The following MCM10 variants were observed in gnomAD, a reference collection of about 807,000 sequenced individuals.
The protein encoded by MCM10 is minichromosome maintenance 10 replication initiation factor, also known as protein MCM10 homolog.
MCM10 carries 91 observed loss-of-function variants against 109.9 expected under a neutral mutation model. The ratio of observed to expected loss-of-function variants is 0.83; its 90% CI spans 0.70 to 0.99. MCM10 has a LOEUF of 0.99. Among genes scored for constraint, MCM10 ranks in the 50% least tolerant of loss-of-function variants. The pLI, the probability that MCM10 is intolerant of heterozygous loss-of-function variation, is 0.00. For synonymous variants in MCM10, 380 were observed against 387.2 expected, an observed-to-expected ratio of 0.98 and a Z score of 0.22; for missense variants, 1,077 against 1,061.2, an observed-to-expected ratio of 1.01 and a Z score of -0.21.
chr10:13,183,925 C>A (rs1465978601), intron 8 of MCM10, among the ~76,000 whole-genome samples: 1 of 152,094 alleles, frequency 6.6e-6, no homozygotes, highest in African/African-American at 2.4e-5. Flanking sequence ...ATGGCGTGAT[C>A]TTGACTCACT....
intron 18 of MCM10, among the ~76,000 whole-genome samples, chr10:13,208,116 G>T (rs1008531539): frequency 2.6e-5 from 4 of 152,236 alleles, no homozygotes; most frequent in African/African-American, 9.6e-5. Context: ...GGACTTGGTG[G>T]CTCATGCCTG....
chr10:13,202,116 T>C (rs1299002156), intron 17 of MCM10, among the ~76,000 whole-genome samples: 1 of 152,178 alleles, frequency 6.6e-6, no homozygotes, highest in Non-Finnish European at 1.5e-5. Context: ...CCCAGCACTT[T>C]TGGATGTCAA....
Position 13,204,990 on chromosome 10 carries a change from GTATGTATGTATGTATATA to G in MCM10, c.2498+630_2498+647del, listed in dbSNP as rs1302735722. ...ATTTTTTATTGTGCTTCTCATGTAT[GTATGTATGTATGTATATA>G]TATATATATATATATATATATATAT... On this transcript the variant is annotated intron_variant, in intron 18 of 19. Transcript: ENST00000378714. Among the ~76,000 whole-genome samples, 439 of 118,648 alleles carry G rather than the reference GTATGTATGTATGTATATA, an allele frequency of 3.7e-3. 6 individuals are homozygous for G. The highest frequency in any genetic ancestry group is 0.012 in the Middle Eastern group (3 of 250). 77.8% of individuals were successfully genotyped at this position (118,648 alleles called of 152,430 possible). A position where few individuals can be genotyped will look rare whatever the true frequency, so the allele number is the denominator to read the frequency against.
intron 2 of MCM10, among the ~76,000 whole-genome samples, chr10:13,165,271 T>C (rs1319153490): frequency 6.6e-6 from 1 of 152,230 alleles, no homozygotes; most frequent in Non-Finnish European, 1.5e-5. Context: ...GTGGTCTCTC[T>C]CTAAAGTATC....
At chr10:13,209,038 A>C in intron 18 of MCM10, 53 bp from the exon 19 acceptor site, 6 of 1,344,906 alleles carry the variant, frequency 4.5e-6, no homozygotes, top group Non-Finnish European at 6.4e-6. Context: ...CGTCGTCTTT[A>C]CATGAGTGGG....
At chr10:13,197,916 GATT>G (rs748729806) in intron 15 of MCM10, 149 bp downstream of exon 15, 1 of 605,698 alleles carries the variant, frequency 1.7e-6, no homozygotes, top group Non-Finnish European at 2.3e-6. Context: ...GGGTGGAACT[GATT>G]TTTTTTTTTT....
intron 13 of MCM10, among the ~76,000 whole-genome samples, chr10:13,194,020 A>C (rs1460673741): frequency 1.3e-5 from 2 of 152,068 alleles, no homozygotes; most frequent in Non-Finnish European, 2.9e-5. Flanking sequence ...TCATCGATCA[A>C]ATGAGAAGTT....
chr10:13,191,786 T>C lies in MCM10; in HGVS notation c.1516+387T>C, dbSNP rs61852862. 1.9e-3 allele frequency among the ~76,000 whole-genome samples: 288 copies of C among 152,354 alleles called. 1 individual carries two copies. Among genetic ancestry groups the C allele is most frequent in the Middle Eastern group, 0.017 (5 of 294 alleles). ...GCTTTTTAAAATTTCTTGGTGTATCTGGGTCCAACTCTTTACATCCAGCAT... is the reference window on the plus strand; with the variant it reads ...GCTTTTTAAAATTTCTTGGTGTATCCGGGTCCAACTCTTTACATCCAGCAT... On this transcript the variant is annotated intron_variant, in intron 11 of 19. Transcript: ENST00000378714.
At position 13,172,830 on chromosome 10, in the gene MCM10, ATG is replaced by A; in HGVS notation, c.592+74_592+75del. The A allele has an allele frequency of 1.3e-6, 2 of 1,517,756 alleles. No individual in the cohort carries two copies. Among genetic ancestry groups the A allele is most frequent in the African/African-American group, 1.4e-5 (1 of 72,846 alleles). The allele number at this position is 1,517,756 out of a possible 1,614,324, so 94.0% of individuals were successfully genotyped here. A position where few individuals can be genotyped will look rare whatever the true frequency, so the allele number is the denominator to read the frequency against. Reference sequence around the variant, plus strand: ...TGTGTTTATGTGTGTGGGGGTGTTCATGTGTGTGTGGGTGTCTGTGTCTTTTG... The same window carrying A: ...TGTGTTTATGTGTGTGGGGGTGTTCATGTGTGTGGGTGTCTGTGTCTTTTG... On this transcript the variant is annotated intron_variant, in intron 5 of 19. Transcript: ENST00000378714. The surrounding 1 kb of genome is among the most constrained non-coding windows in gnomAD (Gnocchi z 5.2).
chr10:13,186,100 A>G (rs374645177), intron 8 of MCM10, 64 bp from the exon 9 acceptor site: 13 of 884,466 alleles, frequency 1.5e-5, no homozygotes, highest in African/African-American at 5.0e-5. Context: ...TCTTTTTTCT[A>G]TTCCTGCTAA....
intron 10 of MCM10, 56 bp downstream of exon 10, chr10:13,189,136 C>A: frequency 6.4e-7 from 1 of 1,568,840 alleles, no homozygotes; most frequent in Non-Finnish European, 8.8e-7. Flanking sequence ...AAAGACTAAA[C>A]CTACTGGTTG....
intron 8 of MCM10, among the ~76,000 whole-genome samples, chr10:13,184,683 A>T (rs1437921659): frequency 1.3e-5 from 2 of 152,238 alleles, no homozygotes; most frequent in South Asian, 4.1e-4. Context: ...TTTCTTTTCA[A>T]CAATAAACAG....
intron 18 of MCM10, among the ~76,000 whole-genome samples, chr10:13,207,613 C>T (rs2131592891): frequency 6.6e-6 from 1 of 152,238 alleles, no homozygotes; most frequent in East Asian, 1.9e-4. Context: ...TGGGGCAGGT[C>T]TTTCCCGGGC....
At chr10:13,188,780 T>C in intron 9 of MCM10, 101 bp from the exon 10 acceptor site, 3 of 1,000,418 alleles carry the variant, frequency 3.0e-6, no homozygotes, top group South Asian at 2.6e-5. Flanking sequence ...GGACTCTGCA[T>C]GCGTCATGTT....
chr10:13,193,618 G>A (rs1834377835), intron 13 of MCM10, among the ~76,000 whole-genome samples: 1 of 152,158 alleles, frequency 6.6e-6, no homozygotes, highest in Non-Finnish European at 1.5e-5. Context: ...TCAATGATAA[G>A]ACAAGAGGAA....
chr10:13,180,008 C>G (rs1263503702), intron 6 of MCM10, among the ~76,000 whole-genome samples: 2 of 152,206 alleles, frequency 1.3e-5, no homozygotes, highest in East Asian at 3.9e-4. Flanking sequence ...AATCCCCGCA[C>G]TTTGGGAGGC....
chr10:13,198,418 C>T (rs1441145677), intron 15 of MCM10, among the ~76,000 whole-genome samples: 3 of 152,106 alleles, frequency 2.0e-5, no homozygotes, highest in African/African-American at 7.2e-5. Context: ...ACATTATTTA[C>T]ACTGTTGTTA....
At chr10:13,193,235 C>A (rs1233592950) in intron 13 of MCM10, among the ~76,000 whole-genome samples, 1 of 150,500 alleles carries the variant, frequency 6.6e-6, no homozygotes, top group East Asian at 1.9e-4. Flanking sequence ...AACTGAAGCA[C>A]TAAAAATGGA....
chr10:13,204,439 C>G (rs111543130), intron 18 of MCM10, 75 bp downstream of exon 18: 17,301 of 1,549,744 alleles, frequency 0.011, 140 homozygotes, highest in Non-Finnish European at 0.014. Flanking sequence ...TGATTCTGTT[C>G]CCTTGGAACG....
Sources: gnomAD v4.1 joint callset for allele counts (sites outside exome capture counted in the v4.1 genomes callset) on GRCh38, gnomAD v4.1.1 for gene constraint, Gnocchi (gnomAD v3.1) non-coding constraint, MANE v1.5 for transcripts, NCBI Gene and HGNC (gene_info 2026-07-23, HGNC 2026-07-21) for gene names.